The following PCDHGA7 variants were observed in gnomAD, a reference collection of about 807,000 sequenced individuals.
PCDHGA7 encodes the protein protocadherin gamma-A7.
Under a neutral mutation model 58.3 loss-of-function variants are expected in PCDHGA7, and 44 were observed. That is an observed-to-expected ratio of 0.75 (90% confidence interval 0.59 to 0.97). The LOEUF (loss-of-function observed/expected upper bound fraction) is 0.97, where lower values mean the gene tolerates loss of function less well. Among genes scored for constraint, PCDHGA7 ranks in the 50% least tolerant of loss-of-function variants. PCDHGA7 has a pLI of 0.00. For synonymous variants in PCDHGA7, 516 were observed against 504.2 expected, an observed-to-expected ratio of 1.02 and a Z score of -0.31; for missense variants, 1,266 against 1,188.7, an observed-to-expected ratio of 1.06 and a Z score of -0.96.
rs761731200 is a variant in PCDHGA7, at chr5:141,477,252, T to C, written c.2425-17555T>C. The C allele has an allele frequency of 1.2e-6, 2 of 1,614,182 alleles. No homozygotes were observed. The highest frequency in any genetic ancestry group is 8.5e-7 in the Non-Finnish European group (1 of 1,180,034). ...ATCGCTTTGCTCAGTGTGACTGACCTGGATGCTGGCGAGAACGGGCTGGTG... is the reference window on the plus strand; with the variant it reads ...ATCGCTTTGCTCAGTGTGACTGACCCGGATGCTGGCGAGAACGGGCTGGTG... On this transcript the variant is annotated intron_variant, in intron 1 of 3. Transcript: ENST00000518325. The surrounding 1 kb of genome is among the most constrained non-coding windows in gnomAD (Gnocchi z 4.9).
chr5:141,459,699 A>G (rs2098973201), intron 1 of PCDHGA7, among the ~76,000 whole-genome samples: 1 of 152,218 alleles, frequency 6.6e-6, no homozygotes, highest in Non-Finnish European at 1.5e-5. Flanking sequence ...TCCGCTTGCT[A>G]CATTTTCTCA....
intron 1 of PCDHGA7, among the ~76,000 whole-genome samples, chr5:141,386,382 A>T (rs2090551092): frequency 6.6e-6 from 1 of 152,330 alleles, no homozygotes; most frequent in South Asian, 2.1e-4. Context: ...AGTATTAATT[A>T]AAAACACACT....
At chr5:141,456,821 A>G (rs1432134342) in intron 1 of PCDHGA7, among the ~76,000 whole-genome samples, 2 of 151,744 alleles carry the variant, frequency 1.3e-5, no homozygotes, top group Admixed American at 6.6e-5. Context: ...AAAATTAGCC[A>G]TCGTGGTAGT....
At chr5:141,394,277 T>C (rs1209758237) in intron 1 of PCDHGA7, 1 of 1,613,946 alleles carries the variant, frequency 6.2e-7, no homozygotes, top group South Asian at 1.1e-5. Flanking sequence ...CCCAGGTCAC[T>C]TACTCTGTGA....
chr5:141,419,715 TG>T (rs754309862), intron 1 of PCDHGA7: 1 of 1,613,288 alleles, frequency 6.2e-7, no homozygotes, highest in South Asian at 1.1e-5. Flanking sequence ...CTCTTCAGCC[TG>T]GGGCTGCGAA....
intron 1 of PCDHGA7, chr5:141,415,759 T>TTG (rs2095938229): frequency 3.7e-6 from 5 of 1,352,054 alleles, no homozygotes; most frequent in Non-Finnish European, 4.8e-6. Flanking sequence ...TTTTTTTTTT[T>TTG]TTTTTTTTTT....
At chr5:141,422,942 G>A (rs199976232) in intron 1 of PCDHGA7, 5 of 1,614,096 alleles carry the variant, frequency 3.1e-6, no homozygotes, top group Non-Finnish European at 4.2e-6. Flanking sequence ...CCCACAGACG[G>A]CTCCACTGGC....
intron 1 of PCDHGA7, chr5:141,428,184 C>G: frequency 6.8e-7 from 1 of 1,463,674 alleles, no homozygotes; most frequent in Middle Eastern, 1.7e-4. Flanking sequence ...GGAGGACAGC[C>G]GCCGCTCTCT....
At chr5:141,419,863 G>C in intron 1 of PCDHGA7, 1 of 1,614,108 alleles carries the variant, frequency 6.2e-7, no homozygotes, top group Non-Finnish European at 8.5e-7. Flanking sequence ...CAGATAGCTT[G>C]CAAGAGGTAC....
chr5:141,410,086 G>A (rs759204005), intron 1 of PCDHGA7: 3 of 1,612,588 alleles, frequency 1.9e-6, no homozygotes, highest in Non-Finnish European at 2.5e-6. Flanking sequence ...AGGTGCGCAC[G>A]GCTCGAGCCT....
rs774774450 is a variant in PCDHGA7, at chr5:141,398,863, G to A, written c.2424+13540G>A. The A allele has an allele frequency of 2.5e-6, 4 of 1,613,868 alleles. No homozygotes were observed. The highest frequency in any genetic ancestry group is 2.7e-5 in the African/African-American group (2 of 74,928). ...TAATCCCCCGGTATTCAACCGAGACGTGTACAGAGTCAGCCTTCGGGAAAA... is the reference window on the plus strand; with the variant it reads ...TAATCCCCCGGTATTCAACCGAGACATGTACAGAGTCAGCCTTCGGGAAAA... On this transcript the variant is annotated intron_variant, in intron 1 of 3. Transcript: ENST00000518325.
In PCDHGA7 at chr5:141,512,443, CCTT is replaced by C. The variant is rs1263805618; in HGVS notation, c.*1272_*1274del. On this transcript the variant is annotated 3_prime_UTR_variant, in exon 4 of 4. Coordinates refer to ENST00000518325, the MANE Select transcript of PCDHGA7 (RefSeq NM_018920.4). ...GCCCCTGCCCTCCTGAAGCCTCAGT[CCTT>C]CACCTTGCCAGGTGCCGTTTCTCTT... The C allele has an allele frequency of 1.3e-5, 2 of 152,896 alleles. No homozygotes were observed. The highest frequency in any genetic ancestry group is 4.8e-5 in the African/African-American group (2 of 41,468). 9.5% of individuals were successfully genotyped at this position (152,896 alleles called of 1,614,324 possible).
intron 1 of PCDHGA7, among the ~76,000 whole-genome samples, chr5:141,442,726 C>A (rs1160438073): frequency 2.6e-5 from 4 of 152,060 alleles, no homozygotes; most frequent in Non-Finnish European, 5.9e-5. Context: ...GCATTTGGGG[C>A]CTGTAGGTAA....
chr5:141,404,877 T>A (rs1242099855), intron 1 of PCDHGA7: 2 of 1,613,738 alleles, frequency 1.2e-6, no homozygotes, highest in Non-Finnish European at 1.7e-6. Flanking sequence ...AAACAGAGCC[T>A]TGTGGTGGCT....
At position 141,477,177 on chromosome 5, in the gene PCDHGA7, T is replaced by C; in HGVS notation, c.2425-17630T>C. The C allele has an allele frequency of 6.2e-7, 1 of 1,614,160 alleles. No individual in the cohort carries two copies. On this transcript the variant is annotated intron_variant, in intron 1 of 3. Coordinates refer to ENST00000518325, the MANE Select transcript of PCDHGA7 (RefSeq NM_018920.4). This position sits in a 1 kb window ranked among gnomAD's most constrained non-coding sequence, Gnocchi z 4.9. Reference sequence around the variant, plus strand: ...AATGACAACGCCCCGGAGATCACAGTCACCTCCGTGTACAGCCCAGTACCC... The same window carrying C: ...AATGACAACGCCCCGGAGATCACAGCCACCTCCGTGTACAGCCCAGTACCC...
In PCDHGA7 at chr5:141,486,680, T is replaced by A; in HGVS notation, c.2425-8127T>A. The A allele has an allele frequency of 6.2e-7, 1 of 1,614,102 alleles. No homozygotes were observed. Among genetic ancestry groups the A allele is most frequent in the Non-Finnish European group, 8.5e-7 (1 of 1,180,018 alleles). ...CCTGGAGCCCAGGAATCGAGATGTA[T>A]CAGCTTCCTCTTTCATCTCTCTGAA... is the stretch of plus-strand genomic sequence containing the variant. On this transcript the variant is annotated intron_variant, in intron 1 of 3. Coordinates refer to ENST00000518325, the MANE Select transcript of PCDHGA7 (RefSeq NM_018920.4). This position sits in a 1 kb window ranked among gnomAD's most constrained non-coding sequence, Gnocchi z 5.0.
At chr5:141,419,946 T>C in intron 1 of PCDHGA7, 1 of 1,614,086 alleles carries the variant, frequency 6.2e-7, no homozygotes, top group Non-Finnish European at 8.5e-7. Context: ...GTGGTGGCCT[T>C]GGCCTTGATT....
rs201386958 is a variant in PCDHGA7 at position 141,413,172 on chromosome 5, T to G, written c.2424+27849T>G. 2.6e-4 allele frequency: 413 copies of G among 1,598,292 alleles called. 3 individuals carry two copies. In the East Asian group the frequency reaches 7.0e-3, roughly 27 times the overall value. ...ACTTTGCAGAATTCTGTAACCAGACTACAATGGCCGCTCAAAGGAATCGCT... is the reference window on the plus strand; with the variant it reads ...ACTTTGCAGAATTCTGTAACCAGACGACAATGGCCGCTCAAAGGAATCGCT... On this transcript the variant is annotated intron_variant, in intron 1 of 3. Coordinates refer to ENST00000518325, the MANE Select transcript of PCDHGA7 (RefSeq NM_018920.4).
chr5:141,408,184 G>A, intron 1 of PCDHGA7: 1 of 1,541,100 alleles, frequency 6.5e-7, no homozygotes, highest in Non-Finnish European at 8.8e-7. Flanking sequence ...CGGGGACCCA[G>A]CGAGAACCCG....
Sources: gnomAD v4.1 joint callset for allele counts (sites outside exome capture counted in the v4.1 genomes callset) on GRCh38, gnomAD v4.1.1 for gene constraint, Gnocchi (gnomAD v3.1) non-coding constraint, MANE v1.5 for transcripts, NCBI Gene and HGNC (gene_info 2026-07-23, HGNC 2026-07-21) for gene names.